KMT2C: variants seen among roughly 807,000 people sequenced by gnomAD.
KMT2C encodes the protein lysine methyltransferase 2C.
A neutral mutation model predicts 507.9 loss-of-function variants in KMT2C; 88 were observed. The ratio of observed to expected loss-of-function variants is 0.17; its 90% confidence interval spans 0.15 to 0.21. The LOEUF is 0.21. Among genes scored for constraint, KMT2C ranks in the 10% least tolerant of loss-of-function variants. The probability of loss-of-function intolerance (pLI) is 1.00; values close to 1 mark genes in which losing one functional copy is unlikely to be tolerated. For missense variants in KMT2C, 4,954 were observed against 5,957.8 expected (o/e 0.83, Z 5.55); for synonymous variants, 2,049 against 2,080.8 (o/e 0.98, Z 0.42).
chr7:152,320,931 A>C (rs2096767626), intron 3 of KMT2C, among the ~76,000 whole-genome samples: 1 of 152,010 alleles, frequency 6.6e-6, no homozygotes, highest in Admixed American at 6.6e-5. Context: ...TGTATAATAA[A>C]TGGATAACTT....
At chr7:152,141,712 C>CAAAAAAAAAAGAAAA (rs2090572332) in intron 55 of KMT2C, among the ~76,000 whole-genome samples, 1 of 61,872 alleles carries the variant, frequency 1.6e-5, no homozygotes, top group African/African-American at 5.8e-5. Context: ...GACTCTGTCT[C>CAAAAAAAAAAGAAAA]AAAAAAAAAA....
intron 53 of KMT2C, among the ~76,000 whole-genome samples, chr7:152,145,912 C>T (rs2091055815): frequency 6.6e-6 from 1 of 152,138 alleles, no homozygotes; most frequent in Non-Finnish European, 1.5e-5. Flanking sequence ...TCTCTGTAGT[C>T]ATAAAAGATA....
intron 1 of KMT2C, among the ~76,000 whole-genome samples, chr7:152,394,172 T>C (rs2097522818): frequency 6.6e-6 from 1 of 152,160 alleles, no homozygotes; most frequent in African/African-American, 2.4e-5. Context: ...TGCCTGCTTC[T>C]TCCTTGATCT....
intron 1 of KMT2C, chr7:152,368,780 C>T (rs1422940670): frequency 1.9e-5 from 14 of 733,094 alleles, no homozygotes; most frequent in Middle Eastern, 3.9e-4. Context: ...GATTTAACAG[C>T]GTGACAAAAA....
chr7:152,151,813 T>C (rs1228317879), intron 49 of KMT2C, among the ~76,000 whole-genome samples: 1 of 152,140 alleles, frequency 6.6e-6, no homozygotes, highest in Non-Finnish European at 1.5e-5. Context: ...AATGGCAGTA[T>C]AAAAGAAGAA....
At chr7:152,214,290 C>T (rs1031835327) in intron 23 of KMT2C, among the ~76,000 whole-genome samples, 7 of 152,080 alleles carry the variant, frequency 4.6e-5, no homozygotes, top group Non-Finnish European at 8.8e-5. Context: ...ACATTACTCC[C>T]AATAGCCAAG....
At chr7:152,216,575 G>A (rs1209760765) in intron 23 of KMT2C, among the ~76,000 whole-genome samples, 1 of 152,066 alleles carries the variant, frequency 6.6e-6, no homozygotes, top group Non-Finnish European at 1.5e-5. Context: ...CTAATGTATT[G>A]TACTTTTTAA....
chr7:152,276,353 C>T (rs2096078733), intron 6 of KMT2C, among the ~76,000 whole-genome samples: 2 of 152,098 alleles, frequency 1.3e-5, no homozygotes, highest in South Asian at 4.1e-4. Context: ...ATACACTACA[C>T]ATAAAAGAAA....
chr7:152,148,447 T>C lies in KMT2C; in HGVS notation c.13480A>G (p.Met4494Val), dbSNP rs1277277131. ...AGCATAGTTTTGTCCTTAAAAAACA[T>C]GCATTGTGCTTTAATGGCGCAAGTG... The part of the protein sequence containing the change: ...HFTCAIKAQC[M>V]FFKDKTMLCP... The change falls in exon 52 of 59, where the codon ATG (methionine) becomes GTG (valine). Residue 4494 changes from methionine (M) to valine (V), a missense_variant. By Grantham distance (21) the Met-to-Val change is conservative. Around this residue, in one of 29 missense-constraint regions of KMT2C, gnomAD observed 221 missense variants for 304.7 expected, o/e 0.73. Coordinates refer to ENST00000262189, the MANE Select transcript of KMT2C (RefSeq NM_170606.3). This position sits in a 1 kb window ranked among gnomAD's most constrained non-coding sequence, Gnocchi z 7.1. The C allele has an allele frequency of 5.6e-6, 9 of 1,614,154 alleles. No individual in the cohort carries two copies. The highest frequency in any genetic ancestry group is 7.6e-6 in the Non-Finnish European group (9 of 1,180,062).
Position 152,385,611 on chromosome 7 carries a change from C to CAAAAAAAAAA in KMT2C, c.162-26946_162-26937dup, listed in dbSNP as rs1160527130. 1.3e-3 allele frequency among the ~76,000 whole-genome samples: 25 copies of CAAAAAAAAAA among 19,446 alleles called. 1 individual carries two copies. Among genetic ancestry groups the CAAAAAAAAAA allele is most frequent in the Admixed American group, 2.2e-3 (2 of 930 alleles). 12.8% of individuals were successfully genotyped at this position (19,446 alleles called of 152,430 possible). On this transcript the variant is annotated intron_variant, in intron 1 of 58. Coordinates refer to ENST00000262189, the MANE Select transcript of KMT2C (RefSeq NM_170606.3). ...TGGGCGACAGAGCGAGACTCCGTCT[C>CAAAAAAAAAA]AAAAAAAAAAAAAAAAAAAAAAAAA...
Position 152,180,968 on chromosome 7 carries a change from G to C in KMT2C, c.6892C>G (p.Pro2298Ala), listed in dbSNP as rs753174481. The C allele has an allele frequency of 2.5e-6, 4 of 1,614,054 alleles. No individual in the cohort carries two copies. The highest frequency in any genetic ancestry group is 3.4e-6 in the Non-Finnish European group (4 of 1,180,038). The change falls in exon 36 of 59, where the codon CCC becomes GCC. Residue 2298 changes from proline (P) to alanine (A), a missense_variant. Physicochemically the swap from Pro to Ala is conservative, Grantham distance 27 (BLOSUM62 -1). Transcript: ENST00000262189. The part of the protein sequence containing the change: ...SRVSPSAARD[P>A]YDQSPMTPRS... The stretch of plus-strand genomic sequence containing the variant: ...GGAGTCATTGGAGACTGATCATAGG[G>C]ATCACGGGCAGCAGATGGGGAAACA...
At position 152,311,713 on chromosome 7, in the gene KMT2C, TTTA is replaced by T. The variant is rs2129200265; in HGVS notation, c.739+82_739+84del. 11 of 927,856 alleles carry T rather than the reference TTTA, an allele frequency of 1.2e-5. No homozygotes were observed. In the South Asian group the frequency reaches 2.6e-4, roughly 22 times the overall value. The allele number at this position is 927,856 out of a possible 1,614,324, so 57.5% of individuals were successfully genotyped here. On this transcript the variant is annotated intron_variant, in intron 5 of 58. Transcript: ENST00000262189. Reference sequence around the variant, plus strand: ...TATAATTATTTCTAGATGAAAGGTATTTATTATTGAGGACATTAATAATGTATT... The same window carrying T: ...TATAATTATTTCTAGATGAAAGGTATTTATTGAGGACATTAATAATGTATT...
Position 152,224,007 on chromosome 7 carries a change from C to T in KMT2C, c.3323+8G>A, listed in dbSNP as rs769726497. The T allele has an allele frequency of 8.9e-6, 14 of 1,579,346 alleles. No individual in the cohort carries two copies. Among genetic ancestry groups the T allele is most frequent in the Non-Finnish European group, 1.2e-5 (14 of 1,154,446 alleles). On this transcript the variant is annotated splice_region_variant and intron_variant, in intron 20 of 58. Coordinates refer to ENST00000262189, the MANE Select transcript of KMT2C (RefSeq NM_170606.3). ...AAGCTTTAAAAAGATGAAAAAATAG[C>T]ACAATACCTATCACATTGTCTACAT...
intron 6 of KMT2C, among the ~76,000 whole-genome samples, chr7:152,302,065 A>G (rs1045749558): frequency 1.3e-5 from 2 of 151,978 alleles, no homozygotes; most frequent in Non-Finnish European, 2.9e-5. Context: ...TTAAAAACGT[A>G]CAACTCTTCT....
intron 1 of KMT2C, among the ~76,000 whole-genome samples, chr7:152,384,588 C>A (rs1020860654): frequency 9.3e-5 from 14 of 150,156 alleles, no homozygotes; most frequent in African/African-American, 2.7e-4. Flanking sequence ...CCACCACCAC[C>A]ACCACCACCA....
chr7:152,329,697 C>A (rs1177784142), intron 3 of KMT2C, among the ~76,000 whole-genome samples: 2 of 87,528 alleles, frequency 2.3e-5, no homozygotes, highest in African/African-American at 4.6e-5. Context: ...GGAAGGAGGG[C>A]GGGAAGGAAG....
intron 9 of KMT2C, among the ~76,000 whole-genome samples, chr7:152,258,224 GGCACAACACCAGCGCCA>G (rs1241332097): frequency 2.6e-5 from 4 of 152,176 alleles, no homozygotes; most frequent in Non-Finnish European, 4.4e-5. Flanking sequence ...AAGTGGTGAG[GGCACAACACCAGCGCCA>G]GCTTGAAGGA....
At position 152,234,242 on chromosome 7, in the gene KMT2C, C is replaced by T. The variant is rs534091255; in HGVS notation, c.2769+1575G>A. Among the ~76,000 whole-genome samples, 156 of 152,092 alleles carry T rather than the reference C, an allele frequency of 1.0e-3. 1 individual carries two copies. The highest frequency in any genetic ancestry group is 3.7e-3 in the African/African-American group (152 of 41,502). ...AAAATACAAAAAAAAATTAGCCAGG[C>T]GTGGTGGCAGGCACCTGTAATCCCA... is the stretch of plus-strand genomic sequence containing the variant. On this transcript the variant is annotated intron_variant, in intron 16 of 58. Coordinates refer to ENST00000262189, the MANE Select transcript of KMT2C (RefSeq NM_170606.3).
intron 37 of KMT2C, among the ~76,000 whole-genome samples, 165 bp downstream of exon 37, chr7:152,179,669 G>T (rs998118004): frequency 7.7e-5 from 11 of 143,542 alleles, no homozygotes; most frequent in East Asian, 2.1e-4. Flanking sequence ...TGGGGGGGGG[G>T]GGGGGTGGTC....
Sources: gnomAD v4.1 joint callset for allele counts (sites outside exome capture counted in the v4.1 genomes callset) on GRCh38, gnomAD v4.1.1 for gene constraint, gnomAD v4.1.1 regional missense constraint, Gnocchi (gnomAD v3.1) non-coding constraint, MANE v1.5 for transcripts, NCBI Gene and HGNC (gene_info 2026-07-23, HGNC 2026-07-21) for gene names.